Variants in POMT1 observed in about 807,000 individuals in gnomAD.
The protein encoded by POMT1 is protein O-mannosyl-transferase 1.
Under a neutral mutation model 101.6 loss-of-function variants are expected in POMT1, and 85 were observed. The ratio of observed to expected loss-of-function variants is 0.84; its 90% confidence interval spans 0.70 to 1.00. The LOEUF (loss-of-function observed/expected upper bound fraction) is 1.00. Among genes scored for constraint, POMT1 ranks in the 50% least tolerant of loss-of-function variants. POMT1 has a pLI of 0.00. For missense variants in POMT1, 857 were observed against 930.4 expected (o/e 0.92, Z 1.03); for synonymous variants, 371 against 383.0 (o/e 0.97, Z 0.37).
At position 131,519,604 on chromosome 9, in the gene POMT1, C is replaced by T. The variant is rs1949503779; in HGVS notation, c.1584+118C>T. The T allele has an allele frequency of 5.1e-6, 5 of 977,440 alleles. No homozygotes were observed. In the Admixed American group the frequency reaches 8.0e-5, roughly 16 times the overall value. The allele number at this position is 977,440 out of a possible 1,614,324, so 60.5% of individuals were successfully genotyped here. A position where few individuals can be genotyped will look rare whatever the true frequency, so the allele number is the denominator to read the frequency against. On this transcript the variant is annotated intron_variant, in intron 16 of 19. Coordinates refer to ENST00000402686, the MANE Select transcript of POMT1 (RefSeq NM_001077365.2). The surrounding 1 kb of genome is among the most constrained non-coding windows in gnomAD (Gnocchi z 4.3). Reference sequence around the variant, plus strand: ...CAGGCTTTGACGCTGGAGCTACAGGCTCACAACAGAATGAGTGTCTCCTCT... The same window carrying T: ...CAGGCTTTGACGCTGGAGCTACAGGTTCACAACAGAATGAGTGTCTCCTCT...
In POMT1 at chr9:131,506,443, A is replaced by G; in HGVS notation, c.270A>G (p.Arg90=). 1 of 1,611,796 alleles carries G rather than the reference A, an allele frequency of 6.2e-7. No homozygotes were observed. Among genetic ancestry groups the G allele is most frequent in the Non-Finnish European group, 8.5e-7 (1 of 1,177,882 alleles). ...TCGATGGCAATTTTTTGTGGAACAGAATTGGAGCAGGTAAAAGATAATTTT... is the reference window on the plus strand; with the variant it reads ...TCGATGGCAATTTTTTGTGGAACAGGATTGGAGCAGGTAAAAGATAATTTT... ...GGFDGNFLWN[R]IGAEYSSNVP... is the part of the protein sequence containing the mutation. The change falls in exon 4 of 20, where the codon AGA becomes AGG. Residue 90 remains arginine, a synonymous_variant. Transcript: ENST00000402686.
At chr9:131,520,572 GGC>G (rs1414400757) in intron 17 of POMT1, among the ~76,000 whole-genome samples, 3 of 152,306 alleles carry the variant, frequency 2.0e-5, no homozygotes, top group Non-Finnish European at 4.4e-5. Context: ...TGGTAGGCCG[GGC>G]GCACAGTCAG....
Position 131,522,878 on chromosome 9 carries a change from C to G in POMT1, c.2004-54C>G. 2.0e-6 allele frequency: 3 copies of G among 1,513,868 alleles called. No individual in the cohort carries two copies. The highest frequency in any genetic ancestry group is 2.7e-6 in the Non-Finnish European group (3 of 1,123,458). 93.8% of individuals were successfully genotyped at this position (1,513,868 alleles called of 1,614,324 possible). A position where few individuals can be genotyped will look rare whatever the true frequency, so the allele number is the denominator to read the frequency against. On this transcript the variant is annotated intron_variant, in intron 19 of 19. Transcript: ENST00000402686. This position sits in a 1 kb window ranked among gnomAD's most constrained non-coding sequence, Gnocchi z 5.5. Reference sequence around the variant, plus strand: ...CAGCAGATGCCAAGAGGGTGCCGGGCAGGGAAGCCGCAGTGGTCAGCCACC... The same window carrying G: ...CAGCAGATGCCAAGAGGGTGCCGGGGAGGGAAGCCGCAGTGGTCAGCCACC...
chr9:131,523,468 A>G lies in POMT1; in HGVS notation c.*362A>G, dbSNP rs1950356883. 1.2e-5 allele frequency: 4 copies of G among 336,664 alleles called. No homozygotes were observed. The highest frequency in any genetic ancestry group is 1.0e-4 in the South Asian group (4 of 39,508). The allele number at this position is 336,664 out of a possible 1,614,324, so 20.9% of individuals were successfully genotyped here. A position where few individuals can be genotyped will look rare whatever the true frequency, so the allele number is the denominator to read the frequency against. On this transcript the variant is annotated 3_prime_UTR_variant, in exon 20 of 20. Coordinates refer to ENST00000402686, the MANE Select transcript of POMT1 (RefSeq NM_001077365.2). ...GTCCTTGCTAACTGCTGCAGGGTGG[A>G]GTTTGATCTGGCAGACCCGATCCTC...
chr9:131,507,310 TAC>T (rs758567072), intron 4 of POMT1, 56 bp from the exon 5 acceptor site: 1 of 1,612,258 alleles, frequency 6.2e-7, no homozygotes, highest in Non-Finnish European at 8.5e-7. Flanking sequence ...ATAGCTGCAG[TAC>T]ACAGAGATGG....
chr9:131,504,747 A>ATATGTATGTGTG (rs56692415), intron 2 of POMT1, among the ~76,000 whole-genome samples: 1 of 122,700 alleles, frequency 8.1e-6, no homozygotes, highest in Non-Finnish European at 1.7e-5. Flanking sequence ...TAACTGATTA[A>ATATGTATGTGTG]TGTGTGTATG....
At chr9:131,507,538 T>C (rs1332213110) in intron 5 of POMT1, 24 bp downstream of exon 5, 2 of 1,613,450 alleles carry the variant, frequency 1.2e-6, no homozygotes, top group Admixed American at 3.3e-5. Flanking sequence ...CCCTGCCTGC[T>C]CTTGCTGTCA....
chr9:131,505,077 C>T (rs1038504083), intron 2 of POMT1, among the ~76,000 whole-genome samples: 1 of 32,118 alleles, frequency 3.1e-5, no homozygotes, highest in Non-Finnish European at 1.3e-4. Flanking sequence ...CGCCCTGCTG[C>T]ATGTTCTTTT....
chr9:131,509,835 AGT>A (rs768252017), intron 7 of POMT1, 27 bp downstream of exon 7: 2 of 1,614,086 alleles, frequency 1.2e-6, no homozygotes, highest in South Asian at 2.2e-5. Context: ...GGTCTTGGGC[AGT>A]GTCCTCCTCC....
At chr9:131,521,261 C>T (rs1466393049) in intron 17 of POMT1, 85 bp from the exon 18 acceptor site, 6 of 1,580,254 alleles carry the variant, frequency 3.8e-6, no homozygotes, top group Non-Finnish European at 5.2e-6. Context: ...GTAGTGCGTG[C>T]ATCTGAATTC....
intron 2 of POMT1, among the ~76,000 whole-genome samples, chr9:131,505,292 T>A (rs966414072): frequency 7.5e-5 from 8 of 106,068 alleles, no homozygotes; most frequent in African/African-American, 2.9e-4. Context: ...CTGTAAAAGA[T>A]GAGGATTTTT....
At position 131,506,108 on chromosome 9, in the gene POMT1, T is replaced by C. The variant is rs201486083; in HGVS notation, c.123-6T>C. The C allele has an allele frequency of 4.5e-5, 72 of 1,613,906 alleles. No individual in the cohort carries two copies. Among genetic ancestry groups the C allele is most frequent in the Non-Finnish European group, 3.1e-5 (36 of 1,179,830 alleles). ...ATATAATATGGGTTGTTGTTTTTTT[T>C]TCTAGTTTTGACGAAGTATATTATG... is the stretch of plus-strand genomic sequence containing the variant. On this transcript the variant is annotated splice_polypyrimidine_tract_variant and splice_region_variant and intron_variant, in intron 2 of 19. Coordinates refer to ENST00000402686, the MANE Select transcript of POMT1 (RefSeq NM_001077365.2).
intron 2 of POMT1, among the ~76,000 whole-genome samples, chr9:131,504,755 A>ATATGTGTGTG (rs1273150981): frequency 1.3e-5 from 2 of 148,802 alleles, no homozygotes; most frequent in African/African-American, 5.0e-5. Flanking sequence ...TAATGTGTGT[A>ATATGTGTGTG]TGTGTGTGTG....
chr9:131,504,189 GGCGTCT>G lies in POMT1; in HGVS notation c.-27_-22del. ...CCACGGCTCCTCCCTTCTTTTCTAG[GGCGTCT>G]GCCTGAGCCCGCTTTTCTACAAGAT... On this transcript the variant is annotated splice_region_variant and 5_prime_UTR_variant, in exon 2 of 20. Transcript: ENST00000402686. 1 of 1,613,944 alleles carries G rather than the reference GGCGTCT, an allele frequency of 6.2e-7. No individual in the cohort carries two copies. The highest frequency in any genetic ancestry group is 8.5e-7 in the Non-Finnish European group (1 of 1,179,928).
rs1263305163 is a variant in POMT1 at position 131,503,755 on chromosome 9, TGAG to T, written c.-30-429_-30-427del. Among the ~76,000 whole-genome samples, 3 of 151,922 alleles carry T rather than the reference TGAG, an allele frequency of 2.0e-5. No individual in the cohort carries two copies. Among genetic ancestry groups the T allele is most frequent in the African/African-American group, 7.3e-5 (3 of 41,340 alleles). ...GGGCAGATGCATCCTTGAGGAGAGATGAGGAGGCCCCGAGGCTCGGCCAGGTTG... is the reference window on the plus strand; with the variant it reads ...GGGCAGATGCATCCTTGAGGAGAGATGAGGCCCCGAGGCTCGGCCAGGTTG... On this transcript the variant is annotated intron_variant, in intron 1 of 19. Transcript: ENST00000402686. This position sits in a 1 kb window ranked among gnomAD's most constrained non-coding sequence, Gnocchi z 4.4.
rs1950151909 is a variant in POMT1, at chr9:131,522,494, G to A, written c.2003+270G>A. 6.2e-6 allele frequency: 4 copies of A among 642,264 alleles called. No individual in the cohort carries two copies. Among genetic ancestry groups the A allele is most frequent in the Non-Finnish European group, 1.0e-5 (4 of 385,800 alleles). 39.8% of individuals were successfully genotyped at this position (642,264 alleles called of 1,614,324 possible). A position where few individuals can be genotyped will look rare whatever the true frequency, so the allele number is the denominator to read the frequency against. ...ATGAAGAGATGTGGGTGGCCTGGAG[G>A]ATTCGGGAGCAGGGAGCAAGGCCCA... On this transcript the variant is annotated intron_variant, in intron 19 of 19. Transcript: ENST00000402686. This position sits in a 1 kb window ranked among gnomAD's most constrained non-coding sequence, Gnocchi z 5.5.
At chr9:131,521,298 C>G in intron 17 of POMT1, 48 bp from the exon 18 acceptor site, 2 of 1,613,468 alleles carry the variant, frequency 1.2e-6, no homozygotes, top group Non-Finnish European at 1.7e-6. Context: ...TCTCTTCCCT[C>G]CCTGAGCAGA....
Position 131,504,249 on chromosome 9 carries a change from G to T in POMT1, c.31G>T (p.Val11Leu). Residue 11 changes from valine (V) to leucine (L), a missense_variant, in exon 2 of 20, where the codon GTG (valine) becomes TTG (leucine). By Grantham distance (32) the Val-to-Leu change is conservative. Transcript: ENST00000402686. Reference sequence around the variant, plus strand: ...GGGATTTTTGAAGCGCCCTGTAGTGGTGACGGCTGACATCAACTTGAGCCT... The same window carrying T: ...GGGATTTTTGAAGCGCCCTGTAGTGTTGACGGCTGACATCAACTTGAGCCT... MWGFLKRPVV[V>L]TADINLSLVA... 6.2e-7 allele frequency: 1 copy of T among 1,614,180 alleles called. No individual in the cohort carries two copies. The highest frequency in any genetic ancestry group is 1.1e-5 in the South Asian group (1 of 91,078).
In POMT1 at chr9:131,523,271, A is replaced by G; in HGVS notation, c.*165A>G. 6.4e-6 allele frequency: 5 copies of G among 777,236 alleles called. No individual in the cohort carries two copies. The South Asian group carries it at 8.2e-5, about 13-fold the overall frequency. 48.1% of individuals were successfully genotyped at this position (777,236 alleles called of 1,614,324 possible). A position where few individuals can be genotyped will look rare whatever the true frequency, so the allele number is the denominator to read the frequency against. The stretch of plus-strand genomic sequence containing the variant: ...GGGGGTCTCATTGAAAAGCTCTCTG[A>G]TGAGCACCTCCTTTTGTGCAAAGTT... On this transcript the variant is annotated 3_prime_UTR_variant, in exon 20 of 20. Coordinates refer to ENST00000402686, the MANE Select transcript of POMT1 (RefSeq NM_001077365.2).
Sources: gnomAD v4.1 joint callset for allele counts (sites outside exome capture counted in the v4.1 genomes callset) on GRCh38, gnomAD v4.1.1 for gene constraint, Gnocchi (gnomAD v3.1) non-coding constraint, MANE v1.5 for transcripts, NCBI Gene and HGNC (gene_info 2026-07-23, HGNC 2026-07-21) for gene names.